Variants in PRDM11 observed in about 807,000 individuals in gnomAD.
PRDM11 encodes PR/SET domain 11.
A neutral mutation model predicts 97.8 loss-of-function variants in PRDM11; 20 were observed. That is an observed-to-expected ratio of 0.20 (90% CI 0.14 to 0.30). The LOEUF is 0.30. PRDM11 is among the 10% of genes least tolerant of loss of function. PRDM11 has a pLI of 1.00. For missense variants in PRDM11, 1,139 were observed against 1,555.2 expected, an observed-to-expected ratio of 0.73 and a Z score of 4.50; for synonymous variants, 599 against 637.7, an observed-to-expected ratio of 0.94 and a Z score of 0.91.
At chr11:45,181,237 C>T (rs1007887293) in intron 1 of PRDM11, among the ~76,000 whole-genome samples, 6 of 151,988 alleles carry the variant, frequency 3.9e-5, no homozygotes, top group Admixed American at 6.5e-5. Flanking sequence ...TGGCCCTCGC[C>T]AGCGCCCCCA....
intron 4 of PRDM11, among the ~76,000 whole-genome samples, chr11:45,197,230 A>C (rs1853155058): frequency 6.6e-6 from 1 of 152,222 alleles, no homozygotes. Context: ...CATTATGCTA[A>C]GTGAAGTAAG....
At chr11:45,140,410 C>T (rs1307194472) in intron 1 of PRDM11, among the ~76,000 whole-genome samples, 2 of 152,228 alleles carry the variant, frequency 1.3e-5, no homozygotes, top group Non-Finnish European at 2.9e-5. Flanking sequence ...GATCTCTATT[C>T]TTTCACGACA....
At chr11:45,183,398 G>A (rs1471434252) in intron 4 of PRDM11, among the ~76,000 whole-genome samples, 2 of 152,160 alleles carry the variant, frequency 1.3e-5, no homozygotes, top group Non-Finnish European at 2.9e-5. Context: ...ATCCTCATGT[G>A]TGTGTCTGGT....
Position 45,140,767 on chromosome 11 carries a change from C to CA in PRDM11, c.97-40983dup, listed in dbSNP as rs796101690. Among the ~76,000 whole-genome samples, 544 of 140,450 alleles carry CA rather than the reference C, an allele frequency of 3.9e-3. 2 individuals carry two copies. The highest frequency in any genetic ancestry group is 5.2e-3 in the South Asian group (23 of 4,388). The allele number at this position is 140,450 out of a possible 152,430, so 92.1% of individuals were successfully genotyped here. A position where few individuals can be genotyped will look rare whatever the true frequency, so the allele number is the denominator to read the frequency against. On this transcript the variant is annotated intron_variant, in intron 1 of 6. Coordinates refer to the PRDM11 transcript ENST00000530656. ...GGAGTCTTCCTGGAGTCTCCTGGGA[C>CA]AAAAAAAAAAACAACCTCTCTAATG...
chr11:45,206,817 G>A (rs1590445299), intron 5 of PRDM11, among the ~76,000 whole-genome samples: 2 of 152,364 alleles, frequency 1.3e-5, no homozygotes, highest in East Asian at 1.9e-4. Context: ...TGAGAGCAGG[G>A]CAAGGTCTTG....
At chr11:45,099,657 C>T (rs1169112246) in intron 1 of PRDM11, among the ~76,000 whole-genome samples, 1 of 152,052 alleles carries the variant, frequency 6.6e-6, no homozygotes, top group African/African-American at 2.4e-5. Context: ...GCGCCATAAT[C>T]ACATCATGGA....
chr11:45,151,120 C>T (rs899960431), intron 1 of PRDM11, among the ~76,000 whole-genome samples: 2 of 152,116 alleles, frequency 1.3e-5, no homozygotes, highest in African/African-American at 4.8e-5. Context: ...GTAACACCTA[C>T]CTAACATCGG....
intron 2 of PRDM11, 129 bp from the exon 3 acceptor site, chr11:45,182,117 C>A: frequency 1.2e-6 from 1 of 813,132 alleles, no homozygotes. Context: ...GAACAGCAGG[C>A]TGGCTGGGAC....
At chr11:45,183,815 T>G (rs1054387025) in intron 4 of PRDM11, among the ~76,000 whole-genome samples, 1 of 152,204 alleles carries the variant, frequency 6.6e-6, no homozygotes, top group Non-Finnish European at 1.5e-5. Context: ...AAGATCCTTA[T>G]TCACTACAAA....
At chr11:45,204,659 C>T in intron 4 of PRDM11, 52 bp from the exon 5 acceptor site, 1 of 1,528,226 alleles carries the variant, frequency 6.5e-7, no homozygotes, top group South Asian at 1.1e-5. Context: ...AGCCCAGGGA[C>T]ATGAGAACCC....
intron 1 of PRDM11, among the ~76,000 whole-genome samples, chr11:45,118,586 C>A (rs547803718): frequency 3.9e-5 from 6 of 152,278 alleles, no homozygotes; most frequent in African/African-American, 1.2e-4. Context: ...GAGGAAATAT[C>A]ATACAATTAT....
At chr11:45,201,312 C>T (rs1377721547) in intron 4 of PRDM11, among the ~76,000 whole-genome samples, 1 of 152,172 alleles carries the variant, frequency 6.6e-6, no homozygotes, top group Non-Finnish European at 1.5e-5. Context: ...CTGTGTTTGA[C>T]AACTGGTTCA....
chr11:45,208,645 C>T (rs1853602194), intron 5 of PRDM11, among the ~76,000 whole-genome samples: 1 of 152,130 alleles, frequency 6.6e-6, no homozygotes, highest in Admixed American at 6.5e-5. Flanking sequence ...GAAACCAAGG[C>T]CTTCGACTCT....
rs78453301 is a variant in PRDM11 at position 45,224,886 on chromosome 11, G to A, written c.1369+43G>A. ...AGATTATTGTCGGAGGGCAGAGTAC[G>A]CAGTGGGCTGTGTGGAGGGTAGCCT... is the stretch of plus-strand genomic sequence containing the variant. On this transcript the variant is annotated intron_variant, in intron 7 of 7. Transcript: ENST00000683152. The A allele has an allele frequency of 2.7e-4, 434 of 1,605,808 alleles. 1 individual carries two copies. In the African/African-American group the frequency reaches 4.9e-3, roughly 18 times the overall value.
chr11:45,205,505 C>G (rs555307776), intron 5 of PRDM11, among the ~76,000 whole-genome samples: 3 of 152,060 alleles, frequency 2.0e-5, no homozygotes, highest in Admixed American at 6.5e-5. Flanking sequence ...GGTGGCCTCT[C>G]TCTGGGACCT....
chr11:45,210,153 T>G (rs915963783), intron 5 of PRDM11, among the ~76,000 whole-genome samples: 11 of 152,168 alleles, frequency 7.2e-5, no homozygotes, highest in African/African-American at 2.7e-4. Context: ...TGGTCCTGAC[T>G]GCTTTGTTCC....
chr11:45,125,866 T>C (rs7934789), intron 1 of PRDM11, among the ~76,000 whole-genome samples: 71,888 of 151,886 alleles, frequency 0.47, 18,581 homozygotes, highest in Non-Finnish European at 0.58. Flanking sequence ...CCGCTTGGTG[T>C]GGAGCTGAGT....
chr11:45,142,024 G>A (rs1321649301), upstream of PRDM11, among the ~76,000 whole-genome samples: 4 of 152,292 alleles, frequency 2.6e-5, no homozygotes, highest in South Asian at 6.2e-4. Flanking sequence ...AAAGACACAC[G>A]TTTGCTTCAA....
intron 5 of PRDM11, among the ~76,000 whole-genome samples, chr11:45,215,311 G>A (rs1853923722): frequency 1.3e-5 from 2 of 152,212 alleles, no homozygotes; most frequent in Admixed American, 1.3e-4. Context: ...GCTTCTCTCA[G>A]GCAGGAAATC....
Sources: allele counts gnomAD v4.1 joint callset (sites outside exome capture counted in the v4.1 genomes callset), GRCh38; gene constraint gnomAD v4.1.1; transcripts MANE v1.5; gene names NCBI Gene and HGNC (gene_info 2026-07-23, HGNC 2026-07-21).